The following TRIM64C variants were observed in gnomAD, a reference collection of about 807,000 sequenced individuals.
TRIM64C encodes tripartite motif-containing protein 64C.
A neutral mutation model predicts 36.1 loss-of-function variants in TRIM64C; 25 were observed. The ratio of observed to expected loss-of-function variants is 0.69; its 90% confidence interval spans 0.51 to 0.97. TRIM64C has a LOEUF of 0.97. Ranked by LOEUF, TRIM64C falls within the 50% of genes least tolerant of loss-of-function variation. The pLI, the probability that TRIM64C is intolerant of heterozygous loss-of-function variation, is 0.00. For synonymous variants in TRIM64C, 212 were observed against 185.7 expected (o/e 1.14, Z -1.15); for missense variants, 489 against 536.8 (o/e 0.91, Z 0.88).
chr11:49,055,515 GT>G, intron 4 of TRIM64C, 108 bp from the exon 5 acceptor site: 1 of 1,432,336 alleles, frequency 7.0e-7, no homozygotes, highest in Non-Finnish European at 9.4e-7. Context: ...AATTCTGCCG[GT>G]TTTGGTTAAC....
rs962545012 is a variant in TRIM64C, at chr11:49,057,444, T to C, written c.508-66A>G. On this transcript the variant is annotated intron_variant, in intron 2 of 5. Transcript: ENST00000617704. ...CTCAATAGAAAACTTCAAATAATTATATGCTGGGTGTAATCAAGCAATTTA... is the reference window on the plus strand; with the variant it reads ...CTCAATAGAAAACTTCAAATAATTACATGCTGGGTGTAATCAAGCAATTTA... The C allele has an allele frequency of 5.4e-6, 8 of 1,486,460 alleles. No individual in the cohort carries two copies. The African/African-American group carries it at 1.1e-4, about 21-fold the overall frequency. The allele number at this position is 1,486,460 out of a possible 1,614,324, so 92.1% of individuals were successfully genotyped here.
intron 5 of TRIM64C, among the ~76,000 whole-genome samples, 193 bp from the exon 6 acceptor site, chr11:49,054,400 A>C (rs770985343): frequency 1.3e-5 from 2 of 152,224 alleles, no homozygotes; most frequent in Non-Finnish European, 2.9e-5. Context: ...ATTATTTCTT[A>C]AATAATAGAG....
intron 5 of TRIM64C, 147 bp downstream of exon 5, chr11:49,055,163 T>C: frequency 1.1e-6 from 1 of 930,734 alleles, no homozygotes; most frequent in South Asian, 1.7e-5. Context: ...GTAATATTAC[T>C]ATGCAGGTAG....
chr11:49,058,018 A>G (rs1854833388), intron 2 of TRIM64C, 60 bp downstream of exon 2: 25 of 1,207,174 alleles, frequency 2.1e-5, no homozygotes, highest in Non-Finnish European at 2.5e-5. Flanking sequence ...TTAGCTAAAA[A>G]GTATAAGCCA....
At position 49,056,393 on chromosome 11, in the gene TRIM64C, A is replaced by G. The variant is rs1565098010; in HGVS notation, c.739-12T>C. On this transcript the variant is annotated splice_polypyrimidine_tract_variant and intron_variant, in intron 3 of 5. Coordinates refer to ENST00000617704, the MANE Select transcript of TRIM64C (RefSeq NM_001206631.1). Reference sequence around the variant, plus strand: ...ATATTTCCCACATCCTGCAAAAAAAATAAAATGTAATGTTAATTATGAGAG... The same window carrying G: ...ATATTTCCCACATCCTGCAAAAAAAGTAAAATGTAATGTTAATTATGAGAG... 1.3e-6 allele frequency: 2 copies of G among 1,535,434 alleles called. No individual in the cohort carries two copies. The highest frequency in any genetic ancestry group is 4.9e-5 in the East Asian group (2 of 40,758).
chr11:49,057,268 T>C lies in TRIM64C; in HGVS notation c.618A>G (p.Lys206=). ...TGTCTTGTAGTTGTTGGAAAAGCTC[T>C]TTTGCTTCTCTTTCCAGTGCCTGCA... ...RHLQALEREA[K]ELFQQLQDSQ... The change falls in exon 3 of 6, where the codon AAA becomes AAG. Residue 206 remains lysine (K), a synonymous_variant. Coordinates refer to ENST00000617704, the MANE Select transcript of TRIM64C (RefSeq NM_001206631.1). 1 of 1,549,804 alleles carries C rather than the reference T, an allele frequency of 6.5e-7. No individual in the cohort carries two copies.
chr11:49,056,237 C>T (rs1854812263), intron 4 of TRIM64C, 122 bp downstream of exon 4: 1 of 764,230 alleles, frequency 1.3e-6, no homozygotes, highest in East Asian at 2.9e-5. Flanking sequence ...CTCAGGCCCT[C>T]TTTTGAAACA....
Position 49,058,695 on chromosome 11 carries a change from C to G in TRIM64C, c.412+6G>C. 1 of 1,543,900 alleles carries G rather than the reference C, an allele frequency of 6.5e-7. No homozygotes were observed. The highest frequency in any genetic ancestry group is 8.7e-7 in the Non-Finnish European group (1 of 1,146,368). On this transcript the variant is annotated splice_donor_region_variant and intron_variant, in intron 1 of 5. Transcript: ENST00000617704. ...TGTATAATTCAAACTGCCTTAGAGG[C>G]ATCACGTACCCTGCATTCCTCAGCA...
chr11:49,056,598 C>T (rs370043957), intron 3 of TRIM64C, among the ~76,000 whole-genome samples: 99 of 151,982 alleles, frequency 6.5e-4, no homozygotes, highest in Admixed American at 1.7e-3. Flanking sequence ...CAGCAAGAGA[C>T]GGTGGAGTAA....
Position 49,053,990 on chromosome 11 carries a change from T to C in TRIM64C, c.1077A>G (p.Arg359=). ...TATTGGTATCTGCTGTCCTAGAATC[T>C]CGACAGACTCCCAGAATCCAGTTGG... is the stretch of plus-strand genomic sequence containing the variant. ...HSSNWILGVC[R]DSRTADTNIV... is the part of the protein sequence containing the mutation. The change falls in exon 6 of 6, where the codon CGA becomes CGG. Residue 359 remains arginine, a synonymous_variant. Transcript: ENST00000617704. The C allele has an allele frequency of 6.4e-7, 1 of 1,551,598 alleles. No individual in the cohort carries two copies. Among genetic ancestry groups the C allele is most frequent in the South Asian group, 1.2e-5 (1 of 84,050 alleles).
At chr11:49,055,943 C>A (rs1161857369) in intron 4 of TRIM64C, among the ~76,000 whole-genome samples, 1 of 152,042 alleles carries the variant, frequency 6.6e-6, no homozygotes, top group Admixed American at 6.6e-5. Flanking sequence ...ATGGAGCAAG[C>A]CCGGGTCATT....
intron 2 of TRIM64C, chr11:49,057,857 A>G (rs755543081): frequency 5.8e-6 from 3 of 518,582 alleles, no homozygotes; most frequent in Non-Finnish European, 3.5e-6. Context: ...TCAAATTTGA[A>G]CTAGAATACA....
At chr11:49,057,412 T>A in intron 2 of TRIM64C, 34 bp from the exon 3 acceptor site, 1 of 1,542,394 alleles carries the variant, frequency 6.5e-7, no homozygotes. Context: ...GATTACATGT[T>A]CTCACTCTCA....
intron 4 of TRIM64C, 137 bp from the exon 5 acceptor site, chr11:49,055,544 C>G: frequency 8.3e-7 from 1 of 1,201,154 alleles, no homozygotes. Flanking sequence ...ACATTTTATT[C>G]CACACTCTAG....
intron 4 of TRIM64C, 22 bp from the exon 5 acceptor site, chr11:49,055,429 A>G (rs760073372): frequency 5.9e-6 from 9 of 1,534,388 alleles, no homozygotes; most frequent in Non-Finnish European, 7.9e-6. Flanking sequence ...AAATGGCCTC[A>G]GTTATATTTC....
intron 2 of TRIM64C, chr11:49,057,713 C>T: frequency 2.1e-6 from 1 of 469,122 alleles, no homozygotes; most frequent in Non-Finnish European, 3.9e-6. Context: ...AGCCATGCAC[C>T]ATATTATGCA....
In TRIM64C at chr11:49,053,875, G is replaced by A; in HGVS notation, c.1192C>T (p.Gln398Ter). 6.4e-7 allele frequency: 1 copy of A among 1,551,710 alleles called. No homozygotes were observed. The highest frequency in any genetic ancestry group is 2.4e-5 in the East Asian group (1 of 40,912). Residue 398 changes from glutamine to a stop codon, truncating the protein, a stop_gained, in exon 6 of 6, where the codon CAG becomes TAG. Transcript: ENST00000617704. LOFTEE classifies it low-confidence loss of function (END_TRUNC). ...CAACCCAGAGGCCTTTGCACATACT[G>A]GATTAAAGGTGGAGAATTGGTGGAG... ...SLSTNSPPLI[Q>*]YVQRPLGWVG... is the part of the protein sequence containing the mutation.
chr11:49,058,680 A>C, intron 1 of TRIM64C, 21 bp downstream of exon 1: 1 of 1,541,098 alleles, frequency 6.5e-7, no homozygotes. Context: ...TGTATAATTC[A>C]AACTGCCTTA....
Position 49,058,813 on chromosome 11 carries a change from C to T in TRIM64C, c.300G>A (p.Glu100=). 6.5e-7 allele frequency: 1 copy of T among 1,549,192 alleles called. No individual in the cohort carries two copies. ...NICVLHEETK[E]LFCEADKRLL... is the part of the protein sequence containing the mutation. Reference sequence around the variant, plus strand: ...ATCTCTTGTCAGCCTCACAGAAGAGCTCCTTAGTCTCCTCATGGAGCACAC... The same window carrying T: ...ATCTCTTGTCAGCCTCACAGAAGAGTTCCTTAGTCTCCTCATGGAGCACAC... The change falls in exon 1 of 6, where the codon GAG becomes GAA. Residue 100 remains glutamate, a synonymous_variant. Coordinates refer to ENST00000617704, the MANE Select transcript of TRIM64C (RefSeq NM_001206631.1).
Sources: allele counts gnomAD v4.1 joint callset (sites outside exome capture counted in the v4.1 genomes callset), GRCh38; gene constraint gnomAD v4.1.1; transcripts MANE v1.5; gene names NCBI Gene and HGNC (gene_info 2026-07-23, HGNC 2026-07-21).